HECW2: variants seen among roughly 807,000 people sequenced by gnomAD.
HECW2 encodes the protein HECT, C2 and WW domain containing E3 ubiquitin protein ligase 2, also known as E3 ubiquitin-protein ligase HECW2.
In HECW2, 61 loss-of-function variants were observed where a neutral mutation model predicts 175.2. The observed-to-expected ratio is 0.35, with a 90% confidence interval of 0.28 to 0.43. The LOEUF (loss-of-function observed/expected upper bound fraction) is 0.43, where lower values mean the gene tolerates loss of function less well. Among genes scored for constraint, HECW2 ranks in the 20% least tolerant of loss-of-function variants. HECW2 has a pLI of 1.00. For missense variants in HECW2, 1,524 were observed against 2,000.5 expected (o/e 0.76, Z 4.54); for synonymous variants, 671 against 731.0 (o/e 0.92, Z 1.32).
At chr2:196,307,863 T>C (rs1043442287) in intron 11 of HECW2, 72 bp downstream of exon 11, 50 of 1,363,354 alleles carry the variant, frequency 3.7e-5, no homozygotes, top group African/African-American at 1.3e-4. Context: ...CAACCATGTC[T>C]TCTACTTTGT....
Position 196,319,164 on chromosome 2 carries a change from G to A in HECW2, c.1726C>T (p.Pro576Ser). Reference sequence around the variant, plus strand: ...GTCCCTGTGTCTGCGCCACTTGTGGGCTGATCTACCTCTTGAGAGCCACAC... The same window carrying A: ...GTCCCTGTGTCTGCGCCACTTGTGGACTGATCTACCTCTTGAGAGCCACAC... ...ELCGSQEVDQ[P>S]TSGADTGTSD... The change falls in exon 9 of 29, where the codon CCC (proline) becomes TCC (serine). Residue 576 changes from proline to serine, a missense_variant. Pro to Ser is a moderately conservative substitution (Grantham distance 74). Transcript: ENST00000644978. The A allele has an allele frequency of 6.3e-7, 1 of 1,595,264 alleles. No homozygotes were observed. Among genetic ancestry groups the A allele is most frequent in the Non-Finnish European group, 8.5e-7 (1 of 1,169,840 alleles).
At chr2:196,314,703 T>C (rs989904500) in intron 10 of HECW2, among the ~76,000 whole-genome samples, 1 of 152,226 alleles carries the variant, frequency 6.6e-6, no homozygotes, top group African/African-American at 2.4e-5. Flanking sequence ...CATGCAAAAG[T>C]GTGCTTTGTA....
rs568334772 is a variant in HECW2, at chr2:196,209,787, G to A, written c.4607+6078C>T. Among the ~76,000 whole-genome samples the A allele has an allele frequency of 4.1e-5, 6 of 144,586 alleles. No individual in the cohort carries two copies. The South Asian group carries it at 1.1e-3, about 26-fold the overall frequency. The allele number at this position is 144,586 out of a possible 152,430, so 94.9% of individuals were successfully genotyped here. A position where few individuals can be genotyped will look rare whatever the true frequency, so the allele number is the denominator to read the frequency against. ...TTTCTTTTTTTTTTTTTTTTGAGAC[G>A]GAGTCTGGCTCTGTCGCCCAGGCTG... On this transcript the variant is annotated intron_variant, in intron 28 of 28. Transcript: ENST00000644978.
intron 5 of HECW2, among the ~76,000 whole-genome samples, chr2:196,327,902 G>A (rs923272157): frequency 3.3e-5 from 5 of 152,080 alleles, no homozygotes; most frequent in Admixed American, 1.3e-4. Context: ...ACTTGCAGAT[G>A]GTCATTCTCA....
intron 2 of HECW2, among the ~76,000 whole-genome samples, chr2:196,378,592 G>T (rs1694115505): frequency 7.2e-5 from 11 of 152,110 alleles, no homozygotes; most frequent in Admixed American, 7.2e-4. Flanking sequence ...AATAACTAGG[G>T]CACCAATGCC....
At position 196,322,510 on chromosome 2, in the gene HECW2, T is replaced by C; in HGVS notation, c.852A>G (p.Pro284=). The change falls in exon 7 of 29, where the codon CCA becomes CCG. Residue 284 remains proline (P), a synonymous_variant. Transcript: ENST00000644978. ...IKRFLGKLTI[P]VQRLLERQAI... ...CTTGTCGCTCCAGCAGCCTCTGGAC[T>C]GGAATGGTTAGTTTCCCCAGAAAAC... 6.2e-7 allele frequency: 1 copy of C among 1,614,084 alleles called. No individual in the cohort carries two copies. The highest frequency in any genetic ancestry group is 8.5e-7 in the Non-Finnish European group (1 of 1,179,978).
At chr2:196,368,052 A>G (rs997963228) in intron 2 of HECW2, among the ~76,000 whole-genome samples, 6 of 152,020 alleles carry the variant, frequency 3.9e-5, no homozygotes, top group Non-Finnish European at 1.5e-5. Context: ...GTTGCTTTCA[A>G]ATCTTGGCTA....
chr2:196,529,538 A>T (rs1688774965), intron 1 of HECW2, among the ~76,000 whole-genome samples: 1 of 152,204 alleles, frequency 6.6e-6, no homozygotes, highest in Non-Finnish European at 1.5e-5. Context: ...GGATTTAAAA[A>T]ATTAACAGAA....
chr2:196,211,348 T>G (rs1280323003), intron 28 of HECW2, among the ~76,000 whole-genome samples: 1 of 152,136 alleles, frequency 6.6e-6, no homozygotes, highest in Non-Finnish European at 1.5e-5. Flanking sequence ...ATAAAGTCCA[T>G]CAGAGCACCA....
intron 14 of HECW2, among the ~76,000 whole-genome samples, chr2:196,284,189 C>T (rs972698925): frequency 6.6e-6 from 1 of 152,146 alleles, no homozygotes; most frequent in Non-Finnish European, 1.5e-5. Context: ...TTCAACACTG[C>T]AAAGTTTCAA....
chr2:196,431,618 T>G (rs1196937100), intron 2 of HECW2, among the ~76,000 whole-genome samples: 1 of 152,158 alleles, frequency 6.6e-6, no homozygotes, highest in Non-Finnish European at 1.5e-5. Flanking sequence ...AGAGTGAAAT[T>G]ACATTCAAAT....
intron 4 of HECW2, among the ~76,000 whole-genome samples, chr2:196,333,172 C>T (rs963560862): frequency 4.6e-5 from 7 of 152,064 alleles, no homozygotes; most frequent in East Asian, 1.9e-4. Flanking sequence ...CCATTTTGCT[C>T]CCTCTCATAC....
intron 1 of HECW2, among the ~76,000 whole-genome samples, chr2:196,513,032 C>T (rs1465266185): frequency 1.3e-5 from 2 of 151,998 alleles, no homozygotes; most frequent in Non-Finnish European, 2.9e-5. Context: ...AGACTTCAGA[C>T]CAAGAAAACA....
At chr2:196,201,814 G>A (rs1166599417) in intron 28 of HECW2, among the ~76,000 whole-genome samples, 1 of 152,042 alleles carries the variant, frequency 6.6e-6, no homozygotes, top group African/African-American at 2.4e-5. Flanking sequence ...ATACTCTGTA[G>A]TTATGCATTT....
chr2:196,401,731 C>A (rs1448045712), intron 2 of HECW2, among the ~76,000 whole-genome samples: 1 of 152,142 alleles, frequency 6.6e-6, no homozygotes, highest in Admixed American at 6.5e-5. Flanking sequence ...TTAAAATGAA[C>A]ATTTAAAGAG....
intron 1 of HECW2, among the ~76,000 whole-genome samples, chr2:196,573,204 C>T (rs1690445891): frequency 1.3e-5 from 2 of 150,862 alleles, no homozygotes; most frequent in Admixed American, 1.3e-4. Flanking sequence ...CGAATAAAGA[C>T]CCCCAGAAAT....
intron 3 of HECW2, 120 bp downstream of exon 3, chr2:196,343,537 G>C: frequency 1.5e-6 from 1 of 667,126 alleles, no homozygotes; most frequent in Non-Finnish European, 2.6e-6. Context: ...TTCCATCATG[G>C]CATAAATATG....
At chr2:196,254,252 G>A (rs1185701701) in intron 18 of HECW2, among the ~76,000 whole-genome samples, 4 of 152,168 alleles carry the variant, frequency 2.6e-5, no homozygotes, top group Admixed American at 2.0e-4. Context: ...TTTGGACAAC[G>A]TGACTTTATT....
intron 1 of HECW2, among the ~76,000 whole-genome samples, chr2:196,495,749 G>A (rs763116708): frequency 3.9e-5 from 6 of 152,210 alleles, no homozygotes; most frequent in Non-Finnish European, 7.4e-5. Flanking sequence ...ACTACCTTTC[G>A]GTCACCATTA....
Sources: allele counts gnomAD v4.1 joint callset (sites outside exome capture counted in the v4.1 genomes callset), GRCh38; gene constraint gnomAD v4.1.1; transcripts MANE v1.5; gene names NCBI Gene and HGNC (gene_info 2026-07-23, HGNC 2026-07-21).